Variants in OOEP observed in about 807,000 individuals in gnomAD.
OOEP encodes oocyte expressed protein.
In OOEP, 16 loss-of-function variants were observed where a neutral mutation model predicts 13.7. That is an observed-to-expected ratio of 1.16 (90% CI 0.79 to 1.77). The LOEUF is 1.77. Among genes scored for constraint, OOEP ranks in the 40% most tolerant of loss-of-function variants. The pLI is 0.00. For missense variants in OOEP, 195 were observed against 193.1 expected (o/e 1.01, Z -0.06); for synonymous variants, 89 against 77.1 (o/e 1.15, Z -0.81).
At chr6:73,384,480 A>G (rs188711013) in intron 2 of OOEP, among the ~76,000 whole-genome samples, 6 of 152,318 alleles carry the variant, frequency 3.9e-5, no homozygotes, top group Admixed American at 3.9e-4. Flanking sequence ...CATCACAAGA[A>G]AAGAAACAAC....
intron 2 of OOEP, among the ~76,000 whole-genome samples, chr6:73,386,550 T>C (rs954339762): frequency 1.7e-4 from 26 of 152,312 alleles, no homozygotes; most frequent in African/African-American, 6.3e-4. Flanking sequence ...ATTTGAAAAC[T>C]ACAAAACCTT....
intron 2 of OOEP, chr6:73,391,396 T>C (rs1325101092): frequency 1.3e-5 from 2 of 152,846 alleles, no homozygotes; most frequent in African/African-American, 4.8e-5. Flanking sequence ...AGGCAGTATA[T>C]TATCAGGCAG....
At position 73,369,186 on chromosome 6, in the gene OOEP, A is replaced by G; in HGVS notation, c.370+20T>C. 1 of 1,598,912 alleles carries G rather than the reference A, an allele frequency of 6.3e-7. No homozygotes were observed. Among genetic ancestry groups the G allele is most frequent in the East Asian group, 2.2e-5 (1 of 44,790 alleles). On this transcript the variant is annotated intron_variant, in intron 2 of 2. Coordinates refer to ENST00000370359, the MANE Select transcript of OOEP (RefSeq NM_001080507.3). ...GTCACTCGTGGCTTCCTCCACATGC[A>G]GGTTCTCAAAGACCCTCACCTCGGG...
Position 73,369,885 on chromosome 6 carries a change from T to G in OOEP, c.-93A>C. On this transcript the variant is annotated 5_prime_UTR_variant, in exon 1 of 3. Coordinates refer to ENST00000370359, the MANE Select transcript of OOEP (RefSeq NM_001080507.3). ...GAAGCTCGGGCTCTCTTTTACCATA[T>G]TCGACCCGCTCCGCCCCTTCCGGCG... 1 of 1,200,050 alleles carries G rather than the reference T, an allele frequency of 8.3e-7. No homozygotes were observed. Among genetic ancestry groups the G allele is most frequent in the Non-Finnish European group, 1.2e-6 (1 of 840,120 alleles). The allele number at this position is 1,200,050 out of a possible 1,614,324, so 74.3% of individuals were successfully genotyped here.
chr6:73,387,047 C>G (rs190938355), intron 2 of OOEP, among the ~76,000 whole-genome samples: 80 of 142,874 alleles, frequency 5.6e-4, no homozygotes, highest in African/African-American at 2.1e-3. Context: ...AAACTCTTAG[C>G]AGAAAACAGA....
At chr6:73,377,448 A>G (rs1018374467) in intron 2 of OOEP, among the ~76,000 whole-genome samples, 1 of 151,992 alleles carries the variant, frequency 6.6e-6, no homozygotes, top group Admixed American at 6.6e-5. Context: ...CCACACCTCG[A>G]ACTTTCTCAA....
At chr6:73,386,799 C>A (rs879265295) in intron 2 of OOEP, among the ~76,000 whole-genome samples, 57 of 151,620 alleles carry the variant, frequency 3.8e-4, no homozygotes, top group Admixed American at 1.6e-3. Context: ...AACCCTGTCT[C>A]TATTAAAAAT....
At chr6:73,380,860 C>T (rs1407184211) in intron 2 of OOEP, among the ~76,000 whole-genome samples, 1 of 152,038 alleles carries the variant, frequency 6.6e-6, no homozygotes, top group African/African-American at 2.4e-5. Flanking sequence ...TTGATTAATA[C>T]AATCAAGGCC....
At chr6:73,390,790 G>A (rs1027030894) in intron 2 of OOEP, among the ~76,000 whole-genome samples, 15 of 150,636 alleles carry the variant, frequency 1.0e-4, no homozygotes, top group African/African-American at 3.2e-4. Context: ...TAGTAGAGAG[G>A]GGGGTATCGC....
At chr6:73,384,995 C>T (rs1015142138) in intron 2 of OOEP, among the ~76,000 whole-genome samples, 1 of 151,016 alleles carries the variant, frequency 6.6e-6, no homozygotes, top group Non-Finnish European at 1.5e-5. Flanking sequence ...CCTTGGCCTC[C>T]CAAAGTGCTG....
chr6:73,385,271 C>T (rs187568267), intron 2 of OOEP, among the ~76,000 whole-genome samples: 40 of 151,648 alleles, frequency 2.6e-4, no homozygotes, highest in African/African-American at 2.7e-4. Context: ...GGCGTGAACC[C>T]GGGAGAGGAG....
chr6:73,389,013 G>A (rs1392904772), intron 2 of OOEP, among the ~76,000 whole-genome samples: 1 of 80,242 alleles, frequency 1.2e-5, no homozygotes, highest in Non-Finnish European at 2.6e-5. Context: ...TCCCGCAGCG[G>A]TGCAAATGCG....
chr6:73,368,931 G>T, intron 2 of OOEP, 68 bp from the exon 3 acceptor site: 1 of 1,235,690 alleles, frequency 8.1e-7, no homozygotes, highest in South Asian at 1.2e-5. Flanking sequence ...ACTACTCCGT[G>T]ACTGGGAGTT....
At chr6:73,376,250 GTT>G (rs1769135467) in intron 2 of OOEP, among the ~76,000 whole-genome samples, 1 of 146,780 alleles carries the variant, frequency 6.8e-6, no homozygotes, top group African/African-American at 2.6e-5. Flanking sequence ...TTTTAATTTT[GTT>G]TTTCTTTTTT....
At chr6:73,370,160 A>ATT, upstream of OOEP, 1 of 218,368 alleles carries the variant, frequency 4.6e-6, no homozygotes, top group Non-Finnish European at 9.2e-6. Flanking sequence ...CGACTCTATT[A>ATT]ATAGACTGGG....
At chr6:73,380,142 G>T (rs976324516) in intron 2 of OOEP, among the ~76,000 whole-genome samples, 1 of 151,458 alleles carries the variant, frequency 6.6e-6, no homozygotes, top group African/African-American at 2.4e-5. Context: ...TCATTATACA[G>T]TATAATAAAA....
At chr6:73,383,839 C>G (rs1436277442) in intron 2 of OOEP, among the ~76,000 whole-genome samples, 1 of 151,974 alleles carries the variant, frequency 6.6e-6, no homozygotes, top group Non-Finnish European at 1.5e-5. Flanking sequence ...TGGGTCACAC[C>G]TGTAATCACA....
intron 2 of OOEP, among the ~76,000 whole-genome samples, chr6:73,388,912 G>A (rs1769309598): frequency 6.6e-6 from 1 of 152,110 alleles, no homozygotes; most frequent in African/African-American, 2.4e-5. Flanking sequence ...TCCTTGCCTG[G>A]CGGAGTCGGA....
upstream of OOEP, among the ~76,000 whole-genome samples, chr6:73,370,926 C>A (rs1327196506): frequency 6.6e-6 from 1 of 152,094 alleles, no homozygotes; most frequent in Non-Finnish European, 1.5e-5. Flanking sequence ...AGACCACAGG[C>A]ACCTGCCACC....
Sources: gnomAD v4.1 joint callset for allele counts (sites outside exome capture counted in the v4.1 genomes callset) on GRCh38, gnomAD v4.1.1 for gene constraint, MANE v1.5 for transcripts, NCBI Gene and HGNC (gene_info 2026-07-23, HGNC 2026-07-21) for gene names.